The following CHD9 variants were observed in gnomAD, a reference collection of about 807,000 sequenced individuals.
CHD9 encodes chromodomain helicase DNA binding protein 9, also known as ATP-dependent chromatin remodeler CHD9.
CHD9 carries 77 observed loss-of-function variants against 316.1 expected under a neutral mutation model. That is an observed-to-expected ratio of 0.24 (90% CI 0.20 to 0.29). The LOEUF (loss-of-function observed/expected upper bound fraction) is 0.29. Ranked by LOEUF, CHD9 falls within the 10% of genes least tolerant of loss-of-function variation. The probability of loss-of-function intolerance (pLI) is 1.00; values close to 1 mark genes in which losing one functional copy is unlikely to be tolerated. For missense variants in CHD9, 2,763 were observed against 3,438.1 expected, an observed-to-expected ratio of 0.80 and a Z score of 4.91; for synonymous variants, 1,129 against 1,158.3, an observed-to-expected ratio of 0.97 and a Z score of 0.51.
At chr16:53,131,036 A>C (rs1048470118) in intron 1 of CHD9, 102 of 143,146 alleles carry the variant, frequency 7.1e-4, no homozygotes, top group African/African-American at 2.5e-3. Flanking sequence ...CCGCGCTGAC[A>C]GGGGGGCCTG....
chr16:53,157,354 C>G lies in CHD9; in HGVS notation c.1265C>G (p.Thr422Arg). The change falls in exon 2 of 39, where the codon ACA becomes AGA. Residue 422 changes from threonine to arginine, a missense_variant. Physicochemically the swap from Thr to Arg is moderately conservative, Grantham distance 71 (BLOSUM62 -1). This residue lies in a region of CHD9 where 859 missense variants were observed against 890.4 expected (regional missense o/e 0.96). Transcript: ENST00000447540. ...EGLLPHFDES[T>R]FGQDNSSHIL... ...CTTCTTCCTCACTTTGATGAGTCAACATTCGGACAAGATAATTCAAGTCAC... is the reference window on the plus strand; with the variant it reads ...CTTCTTCCTCACTTTGATGAGTCAAGATTCGGACAAGATAATTCAAGTCAC... The G allele has an allele frequency of 1.9e-6, 3 of 1,613,940 alleles. No homozygotes were observed. The South Asian group carries it at 3.3e-5, about 18-fold the overall frequency.
At chr16:53,209,992 A>C (rs1219172121) in intron 3 of CHD9, among the ~76,000 whole-genome samples, 179 bp downstream of exon 3, 6 of 152,136 alleles carry the variant, frequency 3.9e-5, no homozygotes, top group Admixed American at 3.3e-4. Flanking sequence ...GGATCTCCCA[A>C]ATTTTATGGT....
chr16:53,313,181 T>TA (rs1221002314), intron 34 of CHD9, among the ~76,000 whole-genome samples: 6 of 151,690 alleles, frequency 4.0e-5, no homozygotes, highest in African/African-American at 1.5e-4. Context: ...ACTGGTATCT[T>TA]AAAGAAAATA....
intron 22 of CHD9, among the ~76,000 whole-genome samples, chr16:53,270,262 C>T (rs1057465900): frequency 3.3e-5 from 5 of 151,528 alleles, no homozygotes; most frequent in Admixed American, 6.6e-5. Context: ...CTCAGCCTCC[C>T]AAAGTGCTGT....
rs199689553 is a variant in CHD9 at position 53,254,395 on chromosome 16, CTT to C, written c.3862-40_3862-39del. ...ATACATATAGTTTACTATTAAATGC[CTT>C]TTGAGAAACTAATTAAATATGTAAC... On this transcript the variant is annotated intron_variant, in intron 17 of 38. Transcript: ENST00000447540. The C allele has an allele frequency of 5.9e-4, 852 of 1,445,794 alleles. 2 individuals carry two copies. The African/African-American group carries it at 1.0e-2, about 17-fold the overall frequency. 89.6% of individuals were successfully genotyped at this position (1,445,794 alleles called of 1,614,324 possible).
In CHD9 at chr16:53,081,765, A is replaced by T. The variant is rs560126636; in HGVS notation, c.-165+26688A>T. 1.1e-4 allele frequency among the ~76,000 whole-genome samples: 17 copies of T among 151,284 alleles called. No homozygotes were observed. The South Asian group carries it at 1.3e-3, about 11-fold the overall frequency. On this transcript the variant is annotated intron_variant, in intron 1 of 38. Transcript: ENST00000447540. ...ACCATGCTTGGCTAATTAAAAAAAA[A>T]TTTTTTTTTGTAGAGATGGTGTTTC...
In CHD9 at chr16:53,304,009, C is replaced by T; in HGVS notation, c.6003C>T (p.Tyr2001=). ...ELSFMAAQRN[Y]SQSKMAHSRT... is the part of the protein sequence containing the mutation. ...CATTTATGGCAGCTCAGAGGAACTA[C>T]AGTCAAAGTAAGATGGCTCATTCAA... Residue 2001 remains tyrosine, a synonymous_variant, in exon 31 of 39, where the codon TAC becomes TAT. Transcript: ENST00000447540. The T allele has an allele frequency of 1.2e-6, 2 of 1,614,002 alleles. No homozygotes were observed. The highest frequency in any genetic ancestry group is 1.7e-6 in the Non-Finnish European group (2 of 1,179,894).
chr16:53,093,683 G>A (rs1004624630), intron 1 of CHD9, among the ~76,000 whole-genome samples: 1 of 152,194 alleles, frequency 6.6e-6, no homozygotes, highest in Non-Finnish European at 1.5e-5. Context: ...GGCAAAGGCG[G>A]TATGATTGTC....
Position 53,128,239 on chromosome 16 carries a change from A to G in CHD9, c.-164-27687A>G, listed in dbSNP as rs1447508507. Among the ~76,000 whole-genome samples, 5 of 151,826 alleles carry G rather than the reference A, an allele frequency of 3.3e-5. 1 individual carries two copies. In the South Asian group the frequency reaches 8.3e-4, roughly 25 times the overall value. ...GTTCTGTCATCCAGGATGGAGTGCA[A>G]TGGCGCCATCTCAACTCAGTGCAAC... On this transcript the variant is annotated intron_variant, in intron 1 of 38. Coordinates refer to ENST00000447540, the MANE Select transcript of CHD9 (RefSeq NM_001308319.2).
chr16:53,103,688 G>T (rs1261769708), intron 1 of CHD9, among the ~76,000 whole-genome samples: 2 of 152,178 alleles, frequency 1.3e-5, no homozygotes, highest in African/African-American at 4.8e-5. Context: ...GATCACATTT[G>T]CTTTTTCCTC....
At chr16:53,308,098 G>A in intron 33 of CHD9, 145 bp downstream of exon 33, 1 of 709,760 alleles carries the variant, frequency 1.4e-6, no homozygotes, top group Non-Finnish European at 2.3e-6. Context: ...TGATATCCAG[G>A]TTATTAAACT....
rs770414317 is a variant in CHD9 at position 53,304,431 on chromosome 16, C to A, written c.6425C>A (p.Ser2142Tyr). ...TCTGACTCAGATTCTGAGAGATCAT[C>A]TTGTTCTTCCAGATCATCTTCTTCC... is the stretch of plus-strand genomic sequence containing the variant. ...SDSDSDSERS[S>Y]CSSRSSSSSS... Residue 2142 changes from serine to tyrosine, a missense_variant, in exon 31 of 39, where the codon TCT becomes TAT. This residue lies in a region of CHD9 where 663 missense variants were observed against 751.2 expected (regional missense o/e 0.88). Coordinates refer to ENST00000447540, the MANE Select transcript of CHD9 (RefSeq NM_001308319.2). 24 of 1,596,094 alleles carry A rather than the reference C, an allele frequency of 1.5e-5. No homozygotes were observed. The highest frequency in any genetic ancestry group is 2.0e-5 in the Non-Finnish European group (23 of 1,171,170).
At chr16:53,136,567 A>AG (rs973210365) in intron 1 of CHD9, among the ~76,000 whole-genome samples, 6 of 152,020 alleles carry the variant, frequency 3.9e-5, no homozygotes, top group African/African-American at 1.4e-4. Flanking sequence ...AAAAAAAAAA[A>AG]AAAAATCTAG....
intron 4 of CHD9, among the ~76,000 whole-genome samples, chr16:53,225,634 C>G (rs2047591910): frequency 6.6e-6 from 1 of 151,834 alleles, no homozygotes; most frequent in Non-Finnish European, 1.5e-5. Context: ...TTGTAAAAGG[C>G]TTAGTTTTGT....
At chr16:53,076,930 T>G (rs1188522283) in intron 1 of CHD9, among the ~76,000 whole-genome samples, 1 of 152,014 alleles carries the variant, frequency 6.6e-6, no homozygotes, top group Non-Finnish European at 1.5e-5. Flanking sequence ...TCCTCCCACC[T>G]CAGCCTCCTG....
chr16:53,273,098 A>C (rs1249351981), intron 22 of CHD9, among the ~76,000 whole-genome samples: 1 of 151,426 alleles, frequency 6.6e-6, no homozygotes, highest in Non-Finnish European at 1.5e-5. Flanking sequence ...AAAAAAACAA[A>C]ACAAAACAAC....
chr16:53,207,019 A>T (rs1472773585), intron 2 of CHD9, among the ~76,000 whole-genome samples: 1 of 152,138 alleles, frequency 6.6e-6, no homozygotes, highest in Non-Finnish European at 1.5e-5. Context: ...CTCTCATGCC[A>T]TCCAGATGGG....
At chr16:53,094,278 G>A (rs1296133156) in intron 1 of CHD9, among the ~76,000 whole-genome samples, 1 of 152,180 alleles carries the variant, frequency 6.6e-6, no homozygotes, top group Non-Finnish European at 1.5e-5. Flanking sequence ...GGGCTGGGCG[G>A]GGCAGGGCTG....
At chr16:53,056,816 C>G (rs1278680908) in intron 1 of CHD9, among the ~76,000 whole-genome samples, 1 of 152,094 alleles carries the variant, frequency 6.6e-6, no homozygotes, top group Non-Finnish European at 1.5e-5. Context: ...CAGCCAGCCC[C>G]GAATGAGAGA....
Sources: allele counts gnomAD v4.1 joint callset (sites outside exome capture counted in the v4.1 genomes callset), GRCh38; gene constraint gnomAD v4.1.1; regional missense constraint gnomAD v4.1.1; transcripts MANE v1.5; gene names NCBI Gene and HGNC (gene_info 2026-07-23, HGNC 2026-07-21).